Variants in TMPRSS11E observed in about 807,000 individuals in gnomAD.
TMPRSS11E encodes the protein transmembrane protease serine 11E.
A neutral mutation model predicts 48.1 loss-of-function variants in TMPRSS11E; 38 were observed. That is an observed-to-expected ratio of 0.79 (90% CI 0.61 to 1.04). TMPRSS11E has a LOEUF of 1.04. Among genes scored for constraint, TMPRSS11E ranks in the 50% least tolerant of loss-of-function variants. The pLI is 0.00. For missense variants in TMPRSS11E, 530 were observed against 510.8 expected (o/e 1.04, Z -0.36); for synonymous variants, 158 against 171.9 (o/e 0.92, Z 0.63).
At chr4:68,482,967 T>G (rs1353445546) in intron 9 of TMPRSS11E, among the ~76,000 whole-genome samples, 1 of 152,220 alleles carries the variant, frequency 6.6e-6, no homozygotes, top group Non-Finnish European at 1.5e-5. Flanking sequence ...CTTTACCTGT[T>G]ACCCAGTTGC....
intron 9 of TMPRSS11E, among the ~76,000 whole-genome samples, chr4:68,479,851 T>C (rs991953701): frequency 9.9e-5 from 15 of 152,160 alleles, no homozygotes; most frequent in African/African-American, 3.6e-4. Flanking sequence ...GCCACTCTTT[T>C]AGTATAGGTA....
chr4:68,480,754 T>C (rs1729378725), intron 9 of TMPRSS11E, among the ~76,000 whole-genome samples: 1 of 152,182 alleles, frequency 6.6e-6, no homozygotes, highest in Non-Finnish European at 1.5e-5. Context: ...GTTGTTGTTA[T>C]ATCATGCTTT....
chr4:68,487,381 T>A (rs1299063351), intron 9 of TMPRSS11E, among the ~76,000 whole-genome samples: 1 of 152,028 alleles, frequency 6.6e-6, no homozygotes, highest in East Asian at 1.9e-4. Context: ...GCCTCCTGAG[T>A]ACCTGGGATT....
At chr4:68,478,234 C>T (rs1003138226) in intron 8 of TMPRSS11E, among the ~76,000 whole-genome samples, 2 of 148,328 alleles carry the variant, frequency 1.3e-5, no homozygotes, top group African/African-American at 5.0e-5. Context: ...TGGCTCACTG[C>T]AACCTCTGCC....
At chr4:68,479,037 T>C in intron 9 of TMPRSS11E, 46 bp downstream of exon 9, 1 of 1,601,810 alleles carries the variant, frequency 6.2e-7, no homozygotes, top group East Asian at 2.2e-5. Flanking sequence ...TTTTGTTTAC[T>C]TTTCTTTGAA....
At chr4:68,458,967 T>A (rs1445245202) in intron 1 of TMPRSS11E, among the ~76,000 whole-genome samples, 1 of 152,142 alleles carries the variant, frequency 6.6e-6, no homozygotes, top group Non-Finnish European at 1.5e-5. Context: ...TCTACCTAGC[T>A]CATTAGGTTA....
chr4:68,463,127 G>T (rs1728838133), intron 2 of TMPRSS11E, among the ~76,000 whole-genome samples: 1 of 152,146 alleles, frequency 6.6e-6, no homozygotes, highest in African/African-American at 2.4e-5. Context: ...TCTGTAACCT[G>T]GTTATCTTCC....
intron 6 of TMPRSS11E, 31 bp from the exon 7 acceptor site, chr4:68,476,230 C>T: frequency 6.2e-7 from 1 of 1,612,762 alleles, no homozygotes; most frequent in Non-Finnish European, 8.5e-7. Flanking sequence ...TTAATGCACC[C>T]ACCAATGCAC....
At chr4:68,468,827 G>A in intron 3 of TMPRSS11E, 52 bp from the exon 4 acceptor site, 1 of 1,297,408 alleles carries the variant, frequency 7.7e-7, no homozygotes, top group Non-Finnish European at 1.1e-6. Context: ...TTAATTTGTG[G>A]AATTTCAGAA....
intron 9 of TMPRSS11E, among the ~76,000 whole-genome samples, chr4:68,493,109 T>C (rs1446816490): frequency 6.6e-6 from 1 of 152,124 alleles, no homozygotes; most frequent in Non-Finnish European, 1.5e-5. Flanking sequence ...TCTTTTATTT[T>C]ATAATTTTTA....
chr4:68,485,149 T>C (rs959914732), intron 9 of TMPRSS11E, among the ~76,000 whole-genome samples: 1 of 152,086 alleles, frequency 6.6e-6, no homozygotes, highest in Non-Finnish European at 1.5e-5. Context: ...AAGGTTTTTT[T>C]CTTTTTTTTC....
At chr4:68,492,086 C>G (rs917193730) in intron 9 of TMPRSS11E, among the ~76,000 whole-genome samples, 2 of 152,188 alleles carry the variant, frequency 1.3e-5, no homozygotes, top group African/African-American at 2.4e-5. Flanking sequence ...CCTAATTGCT[C>G]CTGGAGGAAC....
chr4:68,448,579 C>T (rs564831839), intron 1 of TMPRSS11E, among the ~76,000 whole-genome samples: 1 of 151,852 alleles, frequency 6.6e-6, no homozygotes, highest in African/African-American at 2.4e-5. Flanking sequence ...CAAGCCTTAT[C>T]TATGGTATAT....
At chr4:68,456,231 G>A (rs1024124617) in intron 1 of TMPRSS11E, among the ~76,000 whole-genome samples, 13 of 151,880 alleles carry the variant, frequency 8.6e-5, no homozygotes, top group Non-Finnish European at 1.8e-4. Flanking sequence ...ATACTGTCAC[G>A]TAAGTTTTAT....
At chr4:68,466,247 T>C (rs1728923625) in intron 2 of TMPRSS11E, among the ~76,000 whole-genome samples, 1 of 152,170 alleles carries the variant, frequency 6.6e-6, no homozygotes, top group African/African-American at 2.4e-5. Context: ...ATGTTTGGAA[T>C]ATAAAAATGC....
At chr4:68,462,723 G>A (rs1728827915) in intron 2 of TMPRSS11E, among the ~76,000 whole-genome samples, 1 of 152,280 alleles carries the variant, frequency 6.6e-6, no homozygotes, top group Non-Finnish European at 1.5e-5. Flanking sequence ...TGTTGAGTAA[G>A]TGCCTATTTC....
At chr4:68,476,646 A>G (rs1729227836) in intron 7 of TMPRSS11E, among the ~76,000 whole-genome samples, 1 of 152,216 alleles carries the variant, frequency 6.6e-6, no homozygotes, top group South Asian at 2.1e-4. Flanking sequence ...TAAATAAATA[A>G]TCTTTTGATA....
At chr4:68,488,577 T>C (rs1464038837) in intron 9 of TMPRSS11E, among the ~76,000 whole-genome samples, 2 of 152,142 alleles carry the variant, frequency 1.3e-5, no homozygotes, top group African/African-American at 4.8e-5. Context: ...CTCACTCGGT[T>C]GCCCAGGCTG....
At chr4:68,474,117 A>C (rs979331986) in intron 5 of TMPRSS11E, among the ~76,000 whole-genome samples, 1 of 152,126 alleles carries the variant, frequency 6.6e-6, no homozygotes, top group Non-Finnish European at 1.5e-5. Flanking sequence ...TTTGAGACTG[A>C]CTAGTGAGAA....
Sources: gnomAD v4.1 joint callset for allele counts (sites outside exome capture counted in the v4.1 genomes callset) on GRCh38, gnomAD v4.1.1 for gene constraint, MANE v1.5 for transcripts, NCBI Gene and HGNC (gene_info 2026-07-23, HGNC 2026-07-21) for gene names.